Variants in HTR1F observed in about 807,000 individuals in gnomAD.
The protein encoded by HTR1F is 5-hydroxytryptamine (serotonin) receptor 1F, G protein-coupled.
HTR1F carries 17 observed loss-of-function variants against 24.0 expected under a neutral mutation model. The observed-to-expected ratio is 0.71, with a 90% confidence interval of 0.48 to 1.06. The LOEUF (loss-of-function observed/expected upper bound fraction) is 1.06, where lower values mean the gene tolerates loss of function less well. HTR1F is among the 50% of genes least tolerant of loss of function. HTR1F has a pLI of 0.00. For missense variants in HTR1F, 391 were observed against 427.8 expected, an observed-to-expected ratio of 0.91 and a Z score of 0.76; for synonymous variants, 186 against 156.8, an observed-to-expected ratio of 1.19 and a Z score of -1.39.
At chr3:87,941,738 A>T (rs921564379) in intron 2 of HTR1F, among the ~76,000 whole-genome samples, 1 of 152,122 alleles carries the variant, frequency 6.6e-6, no homozygotes, top group Non-Finnish European at 1.5e-5. Flanking sequence ...GGCATCTTTA[A>T]GGTTCAGGAC....
At chr3:87,898,114 G>C (rs1185567280) in intron 2 of HTR1F, among the ~76,000 whole-genome samples, 1 of 152,080 alleles carries the variant, frequency 6.6e-6, no homozygotes, top group African/African-American at 2.4e-5. Context: ...ATGGGTGTAG[G>C]TAAGACAGAG....
chr3:87,871,943 C>T (rs1310401397), intron 2 of HTR1F, among the ~76,000 whole-genome samples: 1 of 152,050 alleles, frequency 6.6e-6, no homozygotes, highest in Non-Finnish European at 1.5e-5. Flanking sequence ...TTCTACCCAA[C>T]AACAGTGAAT....
In HTR1F at chr3:87,856,114, T is replaced by C. The variant is rs7642646; in HGVS notation, c.-43+33990T>C. On this transcript the variant is annotated intron_variant, in intron 2 of 2. Transcript: ENST00000319595. ...GAGAGAAAACACATTCACATAACCT[T>C]TATTATAATATATTGTTACAATTTT... Among the ~76,000 whole-genome samples the C allele has an allele frequency of 3.4e-3, 515 of 152,218 alleles. 1 individual carries two copies. The highest frequency in any genetic ancestry group is 0.012 in the African/African-American group (485 of 41,562).
At chr3:87,830,697 G>GA (rs1432059408) in intron 2 of HTR1F, among the ~76,000 whole-genome samples, 1 of 152,018 alleles carries the variant, frequency 6.6e-6, no homozygotes, top group Non-Finnish European at 1.5e-5. Flanking sequence ...TTTACACACA[G>GA]AAAAATATTT....
intron 2 of HTR1F, among the ~76,000 whole-genome samples, chr3:87,954,114 T>A (rs1161199524): frequency 6.6e-6 from 1 of 151,342 alleles, no homozygotes; most frequent in Non-Finnish European, 1.5e-5. Flanking sequence ...CTAAAAGGAG[T>A]AAGTTGTAGT....
chr3:87,960,044 A>T (rs1576091295), intron 2 of HTR1F, among the ~76,000 whole-genome samples: 1 of 151,962 alleles, frequency 6.6e-6, no homozygotes, highest in Non-Finnish European at 1.5e-5. Context: ...TTGATCCTTA[A>T]AAAACAATAA....
At position 87,811,395 on chromosome 3, in the gene HTR1F, A is replaced by C. The variant is rs1032408419; in HGVS notation, c.-159-10613A>C. Among the ~76,000 whole-genome samples, 96 of 152,212 alleles carry C rather than the reference A, an allele frequency of 6.3e-4. 1 individual carries two copies. The highest frequency in any genetic ancestry group is 2.4e-4 in the Non-Finnish European group (16 of 68,028). On this transcript the variant is annotated intron_variant, in intron 1 of 2. Coordinates refer to ENST00000319595, the MANE Select transcript of HTR1F (RefSeq NM_001322209.2). ...AAAAGAGCAAAGAAGATCTAGGAGT[A>C]AATAGGGAAAAAGTCGAAATTAATG...
intron 2 of HTR1F, among the ~76,000 whole-genome samples, chr3:87,832,679 G>T (rs1370227532): frequency 6.6e-6 from 1 of 152,174 alleles, no homozygotes; most frequent in Non-Finnish European, 1.5e-5. Flanking sequence ...GTTCACAAAT[G>T]AATTCGTGAA....
At chr3:87,908,470 G>C (rs1703711072) in intron 2 of HTR1F, among the ~76,000 whole-genome samples, 1 of 151,880 alleles carries the variant, frequency 6.6e-6, no homozygotes, top group South Asian at 2.1e-4. Flanking sequence ...TCCCAACTGG[G>C]ATAAATGTCA....
chr3:87,984,333 C>T (rs779629515), intron 2 of HTR1F, among the ~76,000 whole-genome samples: 5 of 151,662 alleles, frequency 3.3e-5, no homozygotes, highest in Non-Finnish European at 7.4e-5. Context: ...GTTTTCATGG[C>T]CAAAGCTAGC....
intron 2 of HTR1F, among the ~76,000 whole-genome samples, chr3:87,966,076 AT>A (rs1705156404): frequency 6.6e-6 from 1 of 152,160 alleles, no homozygotes; most frequent in Non-Finnish European, 1.5e-5. Context: ...ACAGAAATCT[AT>A]TTCTCACAGT....
intron 2 of HTR1F, among the ~76,000 whole-genome samples, chr3:87,863,482 A>G (rs1381585143): frequency 6.6e-6 from 1 of 152,204 alleles, no homozygotes; most frequent in East Asian, 1.9e-4. Flanking sequence ...TTAATTACTT[A>G]CAAATTCTAC....
rs544206537 is a variant in HTR1F, at chr3:87,993,681, T to C, written c.*1831T>C. ...TGAGTTTGGCAACTATTTAGAGCAA[T>C]AGAGGAAAAGGATATTAAAAGAAAA... is the stretch of plus-strand genomic sequence containing the variant. On this transcript the variant is annotated 3_prime_UTR_variant, in exon 3 of 3. Coordinates refer to ENST00000319595, the MANE Select transcript of HTR1F (RefSeq NM_001322209.2). 4.8e-5 allele frequency: 8 copies of C among 166,858 alleles called. No homozygotes were observed. The highest frequency in any genetic ancestry group is 1.0e-4 in the Non-Finnish European group (7 of 68,058). The allele number at this position is 166,858 out of a possible 1,614,324, so 10.3% of individuals were successfully genotyped here.
At chr3:87,819,238 T>A (rs1704307740) in intron 1 of HTR1F, among the ~76,000 whole-genome samples, 1 of 152,188 alleles carries the variant, frequency 6.6e-6, no homozygotes, top group African/African-American at 2.4e-5. Flanking sequence ...ATTTTACCAA[T>A]TGTCACTATG....
At chr3:87,829,113 C>T (rs1704522339) in intron 2 of HTR1F, among the ~76,000 whole-genome samples, 1 of 151,346 alleles carries the variant, frequency 6.6e-6, no homozygotes, top group Admixed American at 6.6e-5. Context: ...AAGGAGACTT[C>T]TATGGCTGTT....
chr3:87,932,106 T>C (rs1275887978), intron 2 of HTR1F, among the ~76,000 whole-genome samples: 1 of 152,202 alleles, frequency 6.6e-6, no homozygotes, highest in Non-Finnish European at 1.5e-5. Context: ...GTTTTAGACA[T>C]GAAGTCCTTA....
intron 1 of HTR1F, among the ~76,000 whole-genome samples, chr3:87,807,033 C>G (rs1467909508): frequency 6.6e-6 from 1 of 151,906 alleles, no homozygotes; most frequent in Non-Finnish European, 1.5e-5. Flanking sequence ...TTACCATAGC[C>G]TTGTAATATA....
At chr3:87,844,910 C>T (rs868178491) in intron 2 of HTR1F, among the ~76,000 whole-genome samples, 2 of 150,692 alleles carry the variant, frequency 1.3e-5, no homozygotes, top group Admixed American at 6.6e-5. Context: ...GTACCAGTAC[C>T]TACCATGCTG....
intron 2 of HTR1F, among the ~76,000 whole-genome samples, chr3:87,891,232 A>C (rs974132674): frequency 6.6e-6 from 1 of 152,224 alleles, no homozygotes; most frequent in African/African-American, 2.4e-5. Context: ...ATTATAATTT[A>C]AATTCTTTTC....
Sources: gnomAD v4.1 joint callset for allele counts (sites outside exome capture counted in the v4.1 genomes callset) on GRCh38, gnomAD v4.1.1 for gene constraint, MANE v1.5 for transcripts, NCBI Gene and HGNC (gene_info 2026-07-23, HGNC 2026-07-21) for gene names.